ACOX3: variants seen among roughly 807,000 people sequenced by gnomAD.
The protein encoded by ACOX3 is acyl-CoA oxidase 3, pristanoyl, also known as peroxisomal acyl-coenzyme A oxidase 3.
A neutral mutation model predicts 81.5 loss-of-function variants in ACOX3; 73 were observed. The ratio of observed to expected loss-of-function variants is 0.90; its 90% CI spans 0.74 to 1.09. ACOX3 has a LOEUF of 1.09. ACOX3 is among the 50% of genes least tolerant of loss of function. The pLI, the probability that ACOX3 is intolerant of heterozygous loss-of-function variation, is 0.00. For missense variants in ACOX3, 947 were observed against 928.0 expected (o/e 1.02, Z -0.27); for synonymous variants, 387 against 375.1 (o/e 1.03, Z -0.37).
chr4:8,371,394 G>A (rs1716171245), intron 16 of ACOX3, among the ~76,000 whole-genome samples: 1 of 152,220 alleles, frequency 6.6e-6, no homozygotes, highest in African/African-American at 2.4e-5. Flanking sequence ...GCATTTATGA[G>A]CACTTGGAAA....
chr4:8,416,255 G>A lies in ACOX3; in HGVS notation c.144+123C>T, dbSNP rs562847188. The A allele has an allele frequency of 3.2e-5, 48 of 1,518,582 alleles. No homozygotes were observed. The highest frequency in any genetic ancestry group is 4.5e-5 in the East Asian group (2 of 44,396). The allele number at this position is 1,518,582 out of a possible 1,614,324, so 94.1% of individuals were successfully genotyped here. A position where few individuals can be genotyped will look rare whatever the true frequency, so the allele number is the denominator to read the frequency against. On this transcript the variant is annotated intron_variant, in intron 2 of 17. Transcript: ENST00000356406. The surrounding 1 kb of genome is among the most constrained non-coding windows in gnomAD (Gnocchi z 4.2). ...CTGGGGTGCAGAGAGGAGAGAGGCC[G>A]CGCTGCCTGGGATGAGCCTCGCCCG...
chr4:8,379,114 C>T (rs781420178), intron 14 of ACOX3, among the ~76,000 whole-genome samples: 2 of 152,208 alleles, frequency 1.3e-5, no homozygotes, highest in East Asian at 1.9e-4. Flanking sequence ...GTGTGTCTTC[C>T]GATTTTGTTT....
chr4:8,397,108 C>T lies in ACOX3; in HGVS notation c.885G>A (p.Gln295=). 6.4e-7 allele frequency: 1 copy of T among 1,558,262 alleles called. No individual in the cohort carries two copies. Among genetic ancestry groups the T allele is most frequent in the Middle Eastern group, 1.7e-4 (1 of 5,820 alleles). ...GGCTCCCCAGGGACGCTCCAAAGCG[C>T]TGCCTGACGTCCTACGGGAGGGACA... The part of the protein sequence containing the change: ...TYVSPFKDVR[Q]RFGASLGSLS... Residue 295 remains glutamine (Q), a synonymous_variant, in exon 9 of 18, where the codon CAG becomes CAA. Transcript: ENST00000356406.
At chr4:8,408,868 T>C (rs955920896) in intron 6 of ACOX3, among the ~76,000 whole-genome samples, 2 of 99,738 alleles carry the variant, frequency 2.0e-5, no homozygotes, top group Non-Finnish European at 3.7e-5. Flanking sequence ...GTTGGGGAGC[T>C]TCTTGTGGGA....
chr4:8,370,219 G>A lies in ACOX3; in HGVS notation c.1983+689C>T, dbSNP rs1025516171. 5.9e-5 allele frequency among the ~76,000 whole-genome samples: 9 copies of A among 152,234 alleles called. No homozygotes were observed. Among genetic ancestry groups the A allele is most frequent in the African/African-American group, 2.2e-4 (9 of 41,460 alleles). On this transcript the variant is annotated intron_variant, in intron 17 of 17. Coordinates refer to ENST00000356406, the MANE Select transcript of ACOX3 (RefSeq NM_003501.3). The surrounding 1 kb of genome is among the most constrained non-coding windows in gnomAD (Gnocchi z 6.3). ...GCATGGGCCTGGCGCGACAGACGGGGAGGCCAGTAAGGCTAGATCTGGTGG... is the reference window on the plus strand; with the variant it reads ...GCATGGGCCTGGCGCGACAGACGGGAAGGCCAGTAAGGCTAGATCTGGTGG...
At position 8,389,752 on chromosome 4, in the gene ACOX3, T is replaced by A; in HGVS notation, c.1301-18A>T. The A allele has an allele frequency of 6.2e-7, 1 of 1,612,904 alleles. No homozygotes were observed. Among genetic ancestry groups the A allele is most frequent in the Non-Finnish European group, 8.5e-7 (1 of 1,179,518 alleles). ...CCGGTTCACTGCAACAAAGCCACAA[T>A]AGTACCATCATTTAAGACGCATATT... is the stretch of plus-strand genomic sequence containing the variant. On this transcript the variant is annotated intron_variant, in intron 11 of 17. Transcript: ENST00000356406. The surrounding 1 kb of genome is among the most constrained non-coding windows in gnomAD (Gnocchi z 5.3).
At chr4:8,357,753 G>A in the ACOX3 span, 1 of 198,092 alleles carries the variant, frequency 5.0e-6, no homozygotes. Context: ...CTGCACCCTT[G>A]CAGTGCGTGG....
intron 11 of ACOX3, 151 bp downstream of exon 11, chr4:8,392,182 G>A: frequency 3.1e-6 from 3 of 973,400 alleles, no homozygotes; most frequent in Non-Finnish European, 4.3e-6. Context: ...AAATGAACGG[G>A]GGTGGCTGGC....
chr4:8,426,897 C>T (rs922806336), intron 1 of ACOX3, among the ~76,000 whole-genome samples: 4 of 152,294 alleles, frequency 2.6e-5, no homozygotes, highest in African/African-American at 9.6e-5. Context: ...ACATCGAAGG[C>T]ACCACTCCCG....
Position 8,375,072 on chromosome 4 carries a change from A to AG in ACOX3, c.1733dup (p.Ser579PhefsTer38). On this transcript the variant is annotated frameshift_variant, in exon 15 of 18. Coordinates refer to ENST00000356406, the MANE Select transcript of ACOX3 (RefSeq NM_003501.3). LOFTEE classifies it high-confidence loss of function. ...CGGCCCGCAGCGAGGGCGGCACGGA[A>AG]GGCTGGTGCACGTGCTCGTGGAACC... The AG allele has an allele frequency of 6.4e-7, 1 of 1,554,610 alleles. No homozygotes were observed. Among genetic ancestry groups the AG allele is most frequent in the East Asian group, 2.4e-5 (1 of 41,764 alleles).
intron 5 of ACOX3, among the ~76,000 whole-genome samples, chr4:8,412,475 A>G (rs988610986): frequency 6.6e-6 from 1 of 152,124 alleles, no homozygotes; most frequent in Non-Finnish European, 1.5e-5. Context: ...TGGATGGAAG[A>G]ATGAATGGAT....
Position 8,414,643 on chromosome 4 carries a change from C to T in ACOX3, c.453+211G>A, listed in dbSNP as rs1210656192. ...ATCAGGAAAAGACAGTGGAAGGCCT[C>T]AGTGACAATTCACCTGGTGCTAGGA... On this transcript the variant is annotated intron_variant, in intron 4 of 17. Transcript: ENST00000356406. This position sits in a 1 kb window ranked among gnomAD's most constrained non-coding sequence, Gnocchi z 6.1. 6.6e-6 allele frequency among the ~76,000 whole-genome samples: 1 copy of T among 152,214 alleles called. No homozygotes were observed. Among genetic ancestry groups the T allele is most frequent in the Non-Finnish European group, 1.5e-5 (1 of 68,048 alleles).
chr4:8,413,941 C>T (rs537037972), intron 5 of ACOX3, among the ~76,000 whole-genome samples: 3 of 152,360 alleles, frequency 2.0e-5, no homozygotes, highest in African/African-American at 7.2e-5. Context: ...ACCGTAGAAA[C>T]CACGGGCCAT....
chr4:8,389,235 T>C lies in ACOX3; in HGVS notation c.1475A>G (p.Tyr492Cys), dbSNP rs1448508872. Residue 492 changes from tyrosine to cysteine, a missense_variant, in exon 13 of 18, where the codon TAT becomes TGT. By Grantham distance (194) the Tyr-to-Cys change is radical. Coordinates refer to ENST00000356406, the MANE Select transcript of ACOX3 (RefSeq NM_003501.3). This position sits in a 1 kb window ranked among gnomAD's most constrained non-coding sequence, Gnocchi z 5.3. Reference sequence around the variant, plus strand: ...AAACTTCTGGTCAAGGATGCCGGGATAGGCGTCCAGAAAGTCCACTGACTT... The same window carrying C: ...AAACTTCTGGTCAAGGATGCCGGGACAGGCGTCCAGAAAGTCCACTGACTT... ...PLKSVDFLDA[Y>C]PGILDQKFEV... 6.2e-7 allele frequency: 1 copy of C among 1,613,912 alleles called. No homozygotes were observed. The highest frequency in any genetic ancestry group is 1.7e-4 in the Middle Eastern group (1 of 6,060).
At chr4:8,358,859 C>T in the ACOX3 span, among the ~76,000 whole-genome samples, 7 of 152,198 alleles carry the variant, frequency 4.6e-5, no homozygotes, top group Non-Finnish European at 7.3e-5. Context: ...GCCCTCAGGG[C>T]TGCTTTGTCT....
At chr4:8,371,438 G>C (rs1179723162) in intron 16 of ACOX3, among the ~76,000 whole-genome samples, 1 of 152,240 alleles carries the variant, frequency 6.6e-6, no homozygotes, top group Non-Finnish European at 1.5e-5. Context: ...TCGGTTGGCG[G>C]TGGTTTTATT....
intron 7 of ACOX3, among the ~76,000 whole-genome samples, chr4:8,404,830 C>G (rs553099447): frequency 6.6e-6 from 1 of 152,314 alleles, no homozygotes; most frequent in South Asian, 2.1e-4. Flanking sequence ...ATCTTTCAGG[C>G]TATCAGGCTC....
chr4:8,374,716 G>A, intron 15 of ACOX3: 1 of 376,144 alleles, frequency 2.7e-6, no homozygotes, highest in Non-Finnish European at 4.8e-6. Context: ...CAGGCTGCCT[G>A]GCATGAGGGG....
intron 1 of ACOX3, among the ~76,000 whole-genome samples, chr4:8,418,792 G>A (rs927523400): frequency 4.5e-4 from 68 of 152,214 alleles, no homozygotes; most frequent in African/African-American, 1.6e-3. Context: ...CCGGGAGGCA[G>A]AGGCTGCAGT....
Sources: allele counts gnomAD v4.1 joint callset (sites outside exome capture counted in the v4.1 genomes callset), GRCh38; gene constraint gnomAD v4.1.1; non-coding constraint Gnocchi (gnomAD v3.1); transcripts MANE v1.5; gene names NCBI Gene and HGNC (gene_info 2026-07-23, HGNC 2026-07-21).